The following HUNK variants were observed in gnomAD, a reference collection of about 807,000 sequenced individuals.
The protein encoded by HUNK is hormonally up-regulated neu tumor-associated kinase.
In HUNK, 21 loss-of-function variants were observed where a neutral mutation model predicts 61.0. The ratio of observed to expected loss-of-function variants is 0.34; its 90% CI spans 0.24 to 0.50. The LOEUF (loss-of-function observed/expected upper bound fraction) is 0.50, where lower values mean the gene tolerates loss of function less well. HUNK is among the 20% of genes least tolerant of loss of function. The pLI is 0.98. For synonymous variants in HUNK, 371 were observed against 386.1 expected (o/e 0.96, Z 0.46); for missense variants, 772 against 945.7 (o/e 0.82, Z 2.41).
At chr21:31,998,438 G>A in intron 10 of HUNK, 88 bp from the exon 11 acceptor site, 2 of 1,287,080 alleles carry the variant, frequency 1.6e-6, no homozygotes, top group Non-Finnish European at 2.1e-6. Flanking sequence ...AACTGTCTCA[G>A]TTAAGCTGGA....
intron 2 of HUNK, among the ~76,000 whole-genome samples, chr21:31,933,535 A>G (rs1194043281): frequency 6.6e-6 from 1 of 152,116 alleles, no homozygotes; most frequent in Non-Finnish European, 1.5e-5. Context: ...CTGTAATCCT[A>G]GCACTTTGGG....
intron 8 of HUNK, among the ~76,000 whole-genome samples, chr21:31,984,442 G>A (rs1160260668): frequency 6.6e-6 from 1 of 152,180 alleles, no homozygotes; most frequent in African/African-American, 2.4e-5. Flanking sequence ...ATAGAGCTGA[G>A]TGTAACACGT....
At chr21:31,922,541 G>A (rs1352505621) in intron 1 of HUNK, among the ~76,000 whole-genome samples, 1 of 151,562 alleles carries the variant, frequency 6.6e-6, no homozygotes, top group Non-Finnish European at 1.5e-5. Flanking sequence ...TGGCCGGGCT[G>A]GTCTTGAACT....
chr21:31,905,183 A>C lies in HUNK; in HGVS notation c.262-19285A>C, dbSNP rs759393839. Among the ~76,000 whole-genome samples the C allele has an allele frequency of 4.6e-5, 7 of 152,296 alleles. No homozygotes were observed. The South Asian group carries it at 1.5e-3, about 32-fold the overall frequency. On this transcript the variant is annotated intron_variant, in intron 1 of 10. Coordinates refer to ENST00000270112, the MANE Select transcript of HUNK (RefSeq NM_014586.2). ...GAAGAGGAAATTTGGACACGGACAC[A>C]TAGGGAAGACCGCATGAAGACACAA...
At position 31,873,546 on chromosome 21, in the gene HUNK, G is replaced by A; in HGVS notation, c.-129G>A. On this transcript the variant is annotated 5_prime_UTR_variant, in exon 1 of 11. Transcript: ENST00000270112. This position sits in a 1 kb window ranked among gnomAD's most constrained non-coding sequence, Gnocchi z 6.1. ...GTGATCGCGGCGGCCCCGGGCTCTG[G>A]GTGCGGAGACCCAGGCGGGGCTGGG... 1.4e-6 allele frequency: 1 copy of A among 731,948 alleles called. No individual in the cohort carries two copies. Among genetic ancestry groups the A allele is most frequent in the Non-Finnish European group, 1.7e-6 (1 of 598,296 alleles). The allele number at this position is 731,948 out of a possible 1,614,324, so 45.3% of individuals were successfully genotyped here.
chr21:31,990,153 G>T lies in HUNK; in HGVS notation c.1282G>T (p.Asp428Tyr). The T allele has an allele frequency of 6.2e-7, 1 of 1,613,990 alleles. No individual in the cohort carries two copies. Residue 428 changes from aspartate to tyrosine, a missense_variant, in exon 9 of 11, where the codon GAT (aspartate) becomes TAT (tyrosine). This residue lies in a region of HUNK where 413 missense variants were observed against 444.4 expected (regional missense o/e 0.93). Coordinates refer to ENST00000270112, the MANE Select transcript of HUNK (RefSeq NM_014586.2). ...YEASLDTWTR[D>Y]LEFHAVQDKK... ...GGCCTCTCTGGACACCTGGACACGA[G>T]ATCTTGAATTCCATGCCGTGCAGGT... is the stretch of plus-strand genomic sequence containing the variant.
chr21:31,997,716 C>T (rs9974159), intron 10 of HUNK, among the ~76,000 whole-genome samples: 109,020 of 152,018 alleles, frequency 0.72, 39,516 homozygotes, highest in Non-Finnish European at 0.78. Flanking sequence ...AACATTTCTG[C>T]TACGTGTTTT....
intron 1 of HUNK, among the ~76,000 whole-genome samples, chr21:31,884,817 C>T (rs988577114): frequency 2.6e-5 from 4 of 151,360 alleles, no homozygotes; most frequent in African/African-American, 4.9e-5. Flanking sequence ...CACTCTTTGT[C>T]GGCCAGGCTG....
At chr21:31,998,494 C>G in intron 10 of HUNK, 32 bp from the exon 11 acceptor site, 1 of 1,545,268 alleles carries the variant, frequency 6.5e-7, no homozygotes, top group South Asian at 1.3e-5. Context: ...TCCGGACGTC[C>G]TCATGATTGT....
intron 4 of HUNK, among the ~76,000 whole-genome samples, 188 bp from the exon 5 acceptor site, chr21:31,958,655 C>T (rs1376614221): frequency 6.6e-6 from 1 of 152,152 alleles, no homozygotes. Flanking sequence ...CAGGCATGAG[C>T]CACCATGTCC....
chr21:31,914,264 G>A (rs1327195104), intron 1 of HUNK, among the ~76,000 whole-genome samples: 1 of 151,926 alleles, frequency 6.6e-6, no homozygotes. Context: ...AAAATTAGCC[G>A]GGCATGGTGG....
intron 8 of HUNK, among the ~76,000 whole-genome samples, chr21:31,989,530 A>G (rs937736806): frequency 7.4e-4 from 112 of 151,998 alleles, no homozygotes; most frequent in African/African-American, 2.6e-3. Flanking sequence ...CCTGGCCAAC[A>G]TGGTGAAACC....
intron 1 of HUNK, among the ~76,000 whole-genome samples, chr21:31,887,957 C>T (rs554216943): frequency 1.3e-5 from 2 of 152,136 alleles, no homozygotes; most frequent in South Asian, 2.1e-4. Flanking sequence ...ATACTGATCA[C>T]GAAAATAATG....
rs1181002857 is a variant in HUNK at position 31,892,194 on chromosome 21, G to T, written c.261+18259G>T. On this transcript the variant is annotated intron_variant, in intron 1 of 10. Coordinates refer to ENST00000270112, the MANE Select transcript of HUNK (RefSeq NM_014586.2). ...ATATATATATATAGAGAGAGAGAGAGAGAGAGAGAGAGAGAGTGTGTGTGT... is the reference window on the plus strand; with the variant it reads ...ATATATATATATAGAGAGAGAGAGATAGAGAGAGAGAGAGAGTGTGTGTGT... Among the ~76,000 whole-genome samples, 532 of 147,598 alleles carry T rather than the reference G, an allele frequency of 3.6e-3. 6 individuals are homozygous for T. Among genetic ancestry groups the T allele is most frequent in the African/African-American group, 0.012 (481 of 39,880 alleles).
intron 7 of HUNK, among the ~76,000 whole-genome samples, chr21:31,981,257 T>C (rs944957550): frequency 1.3e-5 from 2 of 152,214 alleles, no homozygotes; most frequent in African/African-American, 4.8e-5. Context: ...TTGGTTTCTA[T>C]AGCTTTGTGA....
At position 31,958,870 on chromosome 21, in the gene HUNK, C is replaced by G; in HGVS notation, c.774C>G (p.Thr258=). ...GTGTGAACATGTATGCCATGTTGACCGGGACGCTGCCTTTCACGGTGGAGC... is the reference window on the plus strand; with the variant it reads ...GTGTGAACATGTATGCCATGTTGACGGGGACGCTGCCTTTCACGGTGGAGC... The part of the protein sequence containing the change: ...SIGVNMYAML[T]GTLPFTVEPF... The change falls in exon 5 of 11, where the codon ACC becomes ACG. Residue 258 remains threonine, a synonymous_variant. Coordinates refer to ENST00000270112, the MANE Select transcript of HUNK (RefSeq NM_014586.2). 1 of 1,608,146 alleles carries G rather than the reference C, an allele frequency of 6.2e-7. No homozygotes were observed. The highest frequency in any genetic ancestry group is 8.5e-7 in the Non-Finnish European group (1 of 1,177,604).
chr21:31,953,611 G>A (rs930331119), intron 4 of HUNK, among the ~76,000 whole-genome samples: 1 of 152,058 alleles, frequency 6.6e-6, no homozygotes, highest in Non-Finnish European at 1.5e-5. Flanking sequence ...AAGGTTTTTT[G>A]ATGAAACAAT....
At chr21:31,932,213 T>G (rs1049224251) in intron 2 of HUNK, among the ~76,000 whole-genome samples, 24 of 152,138 alleles carry the variant, frequency 1.6e-4, no homozygotes, top group Admixed American at 1.1e-3. Context: ...TGATTTCCAC[T>G]TCCCCAGCAC....
intron 1 of HUNK, among the ~76,000 whole-genome samples, chr21:31,916,935 C>T (rs2052586913): frequency 2.0e-5 from 3 of 152,154 alleles, no homozygotes; most frequent in Non-Finnish European, 4.4e-5. Flanking sequence ...CTCAGCCTCC[C>T]AAAGTGCTGG....
Sources: allele counts gnomAD v4.1 joint callset (sites outside exome capture counted in the v4.1 genomes callset), GRCh38; gene constraint gnomAD v4.1.1; regional missense constraint gnomAD v4.1.1; non-coding constraint Gnocchi (gnomAD v3.1); transcripts MANE v1.5; gene names NCBI Gene and HGNC (gene_info 2026-07-23, HGNC 2026-07-21).